Variants in SMOC2 observed in about 807,000 individuals in gnomAD.
SMOC2 encodes the protein SPARC-related modular calcium-binding protein 2.
Under a neutral mutation model 61.4 loss-of-function variants are expected in SMOC2, and 39 were observed. The observed-to-expected ratio is 0.64, with a 90% CI of 0.49 to 0.83. The LOEUF is 0.83. SMOC2 is among the 40% of genes least tolerant of loss of function. SMOC2 has a pLI of 0.00. For missense variants in SMOC2, 556 were observed against 592.9 expected (o/e 0.94, Z 0.65); for synonymous variants, 247 against 239.9 (o/e 1.03, Z -0.27).
At chr6:168,623,614 G>T (rs1786305180) in intron 9 of SMOC2, among the ~76,000 whole-genome samples, 1 of 151,852 alleles carries the variant, frequency 6.6e-6, no homozygotes, top group Non-Finnish European at 1.5e-5. Context: ...GGGATTACAG[G>T]CGTGAGCCAC....
chr6:168,575,206 C>T (rs997416921), intron 7 of SMOC2, among the ~76,000 whole-genome samples: 4 of 152,124 alleles, frequency 2.6e-5, no homozygotes, highest in African/African-American at 9.7e-5. Flanking sequence ...CCGAGTGGCT[C>T]GCTTTTGCTG....
chr6:168,441,950 G>C (rs928907781), intron 1 of SMOC2, among the ~76,000 whole-genome samples: 46 of 152,326 alleles, frequency 3.0e-4, no homozygotes, highest in African/African-American at 1.0e-3. Context: ...ACGGGGACCC[G>C]GCCTGGAGCG....
chr6:168,590,777 ATGTC>A (rs1401522474), intron 7 of SMOC2, among the ~76,000 whole-genome samples: 1 of 152,166 alleles, frequency 6.6e-6, no homozygotes, highest in Non-Finnish European at 1.5e-5. Context: ...ATGTTCATAA[ATGTC>A]TGGCAGCTGC....
At chr6:168,663,514 C>T (rs1787574825) in intron 11 of SMOC2, among the ~76,000 whole-genome samples, 1 of 152,164 alleles carries the variant, frequency 6.6e-6, no homozygotes, top group Non-Finnish European at 1.5e-5. Flanking sequence ...GAATTCAGCT[C>T]TCCAGGGAAG....
At chr6:168,531,902 G>C (rs1225473897) in intron 4 of SMOC2, among the ~76,000 whole-genome samples, 1 of 152,190 alleles carries the variant, frequency 6.6e-6, no homozygotes, top group East Asian at 1.9e-4. Flanking sequence ...TTGGCTGGAA[G>C]TCGGGCGTAG....
chr6:168,626,731 GT>G lies in SMOC2; in HGVS notation c.907+18493del, dbSNP rs374414007. ...TACCTAGGCCTGTGTTTAACGGCCT[GT>G]GTATCTTGGAGAGTGCGCCAGGAAG... On this transcript the variant is annotated intron_variant, in intron 9 of 12. Coordinates refer to ENST00000356284, the MANE Select transcript of SMOC2 (RefSeq NM_001166412.2). Among the ~76,000 whole-genome samples the G allele has an allele frequency of 2.9e-3, 435 of 152,382 alleles. 5 individuals carry two copies. The highest frequency in any genetic ancestry group is 9.6e-3 in the African/African-American group (399 of 41,592).
At chr6:168,562,669 T>G (rs1325057765) in intron 7 of SMOC2, among the ~76,000 whole-genome samples, 1 of 152,178 alleles carries the variant, frequency 6.6e-6, no homozygotes, top group Non-Finnish European at 1.5e-5. Context: ...CGTTTCTGAT[T>G]TACGCATCCG....
chr6:168,571,642 T>G (rs1784668130), intron 7 of SMOC2, among the ~76,000 whole-genome samples: 2 of 152,158 alleles, frequency 1.3e-5, no homozygotes, highest in Admixed American at 1.3e-4. Context: ...GTAGGGACAC[T>G]TCCATGAGGA....
At chr6:168,630,721 C>A (rs1189057787) in intron 9 of SMOC2, among the ~76,000 whole-genome samples, 2 of 152,202 alleles carry the variant, frequency 1.3e-5, no homozygotes, top group Non-Finnish European at 2.9e-5. Flanking sequence ...TTCTTTTTCT[C>A]AGCATGGAAC....
intron 11 of SMOC2, among the ~76,000 whole-genome samples, chr6:168,662,418 G>C (rs746438212): frequency 2.1e-4 from 32 of 152,190 alleles, no homozygotes; most frequent in Non-Finnish European, 3.5e-4. Context: ...AAGGGCCGTC[G>C]GGTGGAGAGC....
chr6:168,497,546 C>T (rs575577273), intron 1 of SMOC2, among the ~76,000 whole-genome samples: 109 of 152,260 alleles, frequency 7.2e-4, no homozygotes, highest in African/African-American at 6.0e-4. Flanking sequence ...GCAGTGGGCA[C>T]GCAGATCCCT....
chr6:168,660,454 T>C (rs1259007043), intron 11 of SMOC2, among the ~76,000 whole-genome samples: 1 of 152,214 alleles, frequency 6.6e-6, no homozygotes, highest in African/African-American at 2.4e-5. Flanking sequence ...TGTTTTTTCA[T>C]TGCATATATT....
chr6:168,463,284 G>A (rs1781755095), intron 1 of SMOC2, among the ~76,000 whole-genome samples: 1 of 152,166 alleles, frequency 6.6e-6, no homozygotes, highest in South Asian at 2.1e-4. Context: ...AATAGAAAGC[G>A]CTGGCTGTGG....
At chr6:168,441,501 T>G in intron 1 of SMOC2, 47 bp downstream of exon 1, 1 of 1,452,390 alleles carries the variant, frequency 6.9e-7, no homozygotes, top group Non-Finnish European at 9.0e-7. Flanking sequence ...TGCCGCCTCT[T>G]GCAGCCGGCC....
Position 168,453,759 on chromosome 6 carries a change from CT to C in SMOC2, c.84+12308del. Among the ~76,000 whole-genome samples, 1 of 151,968 alleles carries C rather than the reference CT, an allele frequency of 6.6e-6. No homozygotes were observed. The highest frequency in any genetic ancestry group is 6.6e-5 in the Admixed American group (1 of 15,264). The stretch of plus-strand genomic sequence containing the variant: ...TCTATCTCTGTCTCTCTGTCTCCCT[CT>C]TTCTCTGTCTCTCTGATTCTATCTC... On this transcript the variant is annotated intron_variant, in intron 1 of 12. Coordinates refer to ENST00000356284, the MANE Select transcript of SMOC2 (RefSeq NM_001166412.2). This position sits in a 1 kb window ranked among gnomAD's most constrained non-coding sequence, Gnocchi z 4.4.
chr6:168,551,718 T>C (rs1200914954), intron 7 of SMOC2, among the ~76,000 whole-genome samples: 1 of 152,188 alleles, frequency 6.6e-6, no homozygotes, highest in Non-Finnish European at 1.5e-5. Flanking sequence ...CCTCCCAAAG[T>C]GCTGAGATTA....
rs184528047 is a variant in SMOC2, at chr6:168,523,532, C to T, written c.257-2814C>T. Among the ~76,000 whole-genome samples the T allele has an allele frequency of 4.3e-3, 637 of 148,628 alleles. 2 individuals are homozygous for T. Among genetic ancestry groups the T allele is most frequent in the Non-Finnish European group, 6.3e-3 (425 of 67,350 alleles). ...CCTCCAGAGTAGCTGGGAACACAGG[C>T]GCCTGCCACCATGCCTGGCTAATTT... On this transcript the variant is annotated intron_variant, in intron 2 of 12. Coordinates refer to ENST00000356284, the MANE Select transcript of SMOC2 (RefSeq NM_001166412.2).
At chr6:168,515,734 G>T (rs1430091628) in intron 2 of SMOC2, among the ~76,000 whole-genome samples, 1 of 121,510 alleles carries the variant, frequency 8.2e-6, no homozygotes, top group African/African-American at 2.9e-5. Flanking sequence ...ACGCAGCATA[G>T]GGGCTCCTGG....
intron 2 of SMOC2, among the ~76,000 whole-genome samples, chr6:168,523,861 TATTAAGGAGAG>T (rs1344566924): frequency 6.6e-6 from 1 of 152,146 alleles, no homozygotes; most frequent in East Asian, 1.9e-4. Context: ...AGTAAAAATA[TATTAAGGAGAG>T]ACATTTATCA....
Sources: allele counts gnomAD v4.1 joint callset (sites outside exome capture counted in the v4.1 genomes callset), GRCh38; gene constraint gnomAD v4.1.1; non-coding constraint Gnocchi (gnomAD v3.1); transcripts MANE v1.5; gene names NCBI Gene and HGNC (gene_info 2026-07-23, HGNC 2026-07-21).